CPLANE1: variants seen among roughly 807,000 people sequenced by gnomAD.
CPLANE1 encodes ciliogenesis and planar polarity effector complex subunit 1, also known as ciliogenesis and planar polarity effector 1.
Under a neutral mutation model 362.5 loss-of-function variants are expected in CPLANE1, and 263 were observed. The ratio of observed to expected loss-of-function variants is 0.73; its 90% CI spans 0.66 to 0.80. The LOEUF (loss-of-function observed/expected upper bound fraction) is 0.80, where lower values mean the gene tolerates loss of function less well. CPLANE1 is among the 30% of genes least tolerant of loss of function. The probability of loss-of-function intolerance (pLI) is 0.00; values close to 1 mark genes in which losing one functional copy is unlikely to be tolerated. For synonymous variants in CPLANE1, 1,212 were observed against 1,302.6 expected (o/e 0.93, Z 1.50); for missense variants, 3,461 against 3,793.4 (o/e 0.91, Z 2.30).
chr5:37,114,735 A>T (rs1760407580), intron 51 of CPLANE1, among the ~76,000 whole-genome samples: 1 of 152,092 alleles, frequency 6.6e-6, no homozygotes, highest in African/African-American at 2.4e-5. Context: ...CCCCATCTCT[A>T]CGAAAAATAC....
Position 37,221,387 on chromosome 5 carries a change from G to A in CPLANE1, c.2683C>T (p.Gln895Ter). 6.5e-7 allele frequency: 1 copy of A among 1,534,936 alleles called. No individual in the cohort carries two copies. Among genetic ancestry groups the A allele is most frequent in the African/African-American group, 1.4e-5 (1 of 72,068 alleles). ...CATCTCAGGATTTCTCTTGCTAGCT[G>A]ATCACACAATCCTTGAGCATCATTT... is the stretch of plus-strand genomic sequence containing the variant. ...NLNDAQGLCD[Q>*]LAREILRWSQ... The change falls in exon 15 of 53, where the codon CAG (glutamine) becomes TAG (stop). Residue 895 changes from glutamine to a stop codon, truncating the protein, a stop_gained. Transcript: ENST00000651892. LOFTEE classifies it high-confidence loss of function.
At chr5:37,243,801 AATAT>A (rs1277711241) in intron 5 of CPLANE1, among the ~76,000 whole-genome samples, 1 of 147,220 alleles carries the variant, frequency 6.8e-6, no homozygotes, top group Non-Finnish European at 1.5e-5. Context: ...TATACCATAT[AATAT>A]ATAATATATA....
At chr5:37,134,361 A>G (rs1766924021) in intron 46 of CPLANE1, among the ~76,000 whole-genome samples, 1 of 152,088 alleles carries the variant, frequency 6.6e-6, no homozygotes, top group South Asian at 2.1e-4. Flanking sequence ...TCCTGATTCA[A>G]TGTTGAGGGG....
rs1786115004 is a variant in CPLANE1 at position 37,193,103 on chromosome 5, T to C, written c.3811+2755A>G. On this transcript the variant is annotated intron_variant, in intron 21 of 52. Transcript: ENST00000651892. ...ATTGCTTGAACCTGGAGGCAGAGGT[T>C]GTAGTGAGCTGAGATTGTGCATGCC... Among the ~76,000 whole-genome samples the C allele has an allele frequency of 2.7e-5, 4 of 150,182 alleles. No homozygotes were observed. In the South Asian group the frequency reaches 8.4e-4, roughly 32 times the overall value.
chr5:37,076,094 C>CA, the CPLANE1 span, among the ~76,000 whole-genome samples: 4 of 151,252 alleles, frequency 2.6e-5, no homozygotes, highest in African/African-American at 7.3e-5. Flanking sequence ...ACAAAAAAAA[C>CA]AAAAAACAAA....
chr5:37,099,318 T>C, the CPLANE1 span, among the ~76,000 whole-genome samples: 4 of 152,150 alleles, frequency 2.6e-5, no homozygotes, highest in Non-Finnish European at 4.4e-5. Flanking sequence ...GTGCGTGTTG[T>C]TCCCCCACAC....
Position 37,182,632 on chromosome 5 carries a change from G to A in CPLANE1, c.5421+128C>T, listed in dbSNP as rs992275630. ...CTGGAAGAAAAAAATAGGAGATACT[G>A]ATTATAATCAACATTGTCATTAATT... On this transcript the variant is annotated intron_variant, in intron 26 of 52. Transcript: ENST00000651892. 13 of 668,432 alleles carry A rather than the reference G, an allele frequency of 1.9e-5. No individual in the cohort carries two copies. The African/African-American group carries it at 2.4e-4, about 12-fold the overall frequency. 41.4% of individuals were successfully genotyped at this position (668,432 alleles called of 1,614,324 possible).
At chr5:37,228,051 A>G (rs1796839455) in intron 9 of CPLANE1, among the ~76,000 whole-genome samples, 2 of 152,170 alleles carry the variant, frequency 1.3e-5, no homozygotes, top group Admixed American at 1.3e-4. Context: ...CATTTATTCT[A>G]TTTTGTATTT....
intron 15 of CPLANE1, among the ~76,000 whole-genome samples, chr5:37,214,855 C>G (rs1793597145): frequency 6.6e-6 from 1 of 152,116 alleles, no homozygotes; most frequent in South Asian, 2.1e-4. Context: ...ACCAGAGATC[C>G]TGGAAGTGTT....
At chr5:37,149,146 A>G (rs1047612777) in intron 42 of CPLANE1, among the ~76,000 whole-genome samples, 4 of 152,102 alleles carry the variant, frequency 2.6e-5, no homozygotes, top group Non-Finnish European at 5.9e-5. Flanking sequence ...TAGAAGACTA[A>G]ATATCTTCCT....
chr5:37,224,163 T>G, intron 14 of CPLANE1, 90 bp downstream of exon 14: 1 of 779,124 alleles, frequency 1.3e-6, no homozygotes, highest in Non-Finnish European at 2.1e-6. Context: ...GGCACATATT[T>G]TTTGGAATTT....
At chr5:37,152,779 C>T (rs1229139951) in intron 42 of CPLANE1, among the ~76,000 whole-genome samples, 1 of 152,006 alleles carries the variant, frequency 6.6e-6, no homozygotes, top group African/African-American at 2.4e-5. Flanking sequence ...GTCCCAGGTA[C>T]TCAGGAGGCT....
Position 37,209,543 on chromosome 5 carries a change from G to C in CPLANE1, c.2921-3118C>G. ...TATTGAGTGGAGAACTGCAACCTCA[G>C]TCCATTTCAGTGCAAGGGAGCTCCC... is the stretch of plus-strand genomic sequence containing the variant. On this transcript the variant is annotated intron_variant, in intron 16 of 52. Coordinates refer to ENST00000651892, the MANE Select transcript of CPLANE1 (RefSeq NM_001384732.1). This position sits in a 1 kb window ranked among gnomAD's most constrained non-coding sequence, Gnocchi z 4.6. The C allele has an allele frequency of 7.7e-7, 1 of 1,292,534 alleles. No individual in the cohort carries two copies. Among genetic ancestry groups the C allele is most frequent in the African/African-American group, 1.5e-5 (1 of 68,780 alleles). The allele number at this position is 1,292,534 out of a possible 1,614,324, so 80.1% of individuals were successfully genotyped here.
chr5:37,163,086 G>T (rs1228967197), intron 37 of CPLANE1, among the ~76,000 whole-genome samples: 1 of 152,192 alleles, frequency 6.6e-6, no homozygotes, highest in Non-Finnish European at 1.5e-5. Flanking sequence ...TAGAAACCTA[G>T]ATATTCTTCT....
At chr5:37,095,463 C>T in the CPLANE1 span, among the ~76,000 whole-genome samples, 1 of 152,086 alleles carries the variant, frequency 6.6e-6, no homozygotes, top group African/African-American at 2.4e-5. Flanking sequence ...TTTGACAAAC[C>T]CACAGCCAAC....
At chr5:37,216,078 C>A (rs1230934130) in intron 15 of CPLANE1, among the ~76,000 whole-genome samples, 1 of 152,046 alleles carries the variant, frequency 6.6e-6, no homozygotes, top group Admixed American at 6.6e-5. Context: ...CTCAAGTAAT[C>A]GGTCCGCCTC....
intron 49 of CPLANE1, among the ~76,000 whole-genome samples, chr5:37,120,691 A>G (rs561570994): frequency 6.6e-6 from 1 of 152,306 alleles, no homozygotes; most frequent in East Asian, 1.9e-4. Flanking sequence ...TATTCTTTGT[A>G]TCTCATACCT....
chr5:37,199,291 G>A (rs1003889172), intron 19 of CPLANE1, among the ~76,000 whole-genome samples: 1 of 151,950 alleles, frequency 6.6e-6, no homozygotes, highest in Admixed American at 6.6e-5. Context: ...CCAGTCTTAC[G>A]CTAGAACAGT....
chr5:37,114,675 G>A (rs780634526), intron 51 of CPLANE1, among the ~76,000 whole-genome samples: 12 of 152,068 alleles, frequency 7.9e-5, no homozygotes, highest in Non-Finnish European at 1.2e-4. Context: ...TAAGATGGGC[G>A]GATCACCTTA....
Sources: gnomAD v4.1 joint callset for allele counts (sites outside exome capture counted in the v4.1 genomes callset) on GRCh38, gnomAD v4.1.1 for gene constraint, Gnocchi (gnomAD v3.1) non-coding constraint, MANE v1.5 for transcripts, NCBI Gene and HGNC (gene_info 2026-07-23, HGNC 2026-07-21) for gene names.